HMCN2: variants seen among roughly 807,000 people sequenced by gnomAD.
The protein encoded by HMCN2 is hemicentin-2.
In HMCN2, 325 loss-of-function variants were observed where a neutral mutation model predicts 377.5. That is an observed-to-expected ratio of 0.86 (90% CI 0.79 to 0.94). HMCN2 has a LOEUF of 0.94. Ranked by LOEUF, HMCN2 falls within the 40% of genes least tolerant of loss-of-function variation. The pLI is 0.00. For synonymous variants in HMCN2, 2,007 were observed against 2,046.8 expected (o/e 0.98, Z 0.53); for missense variants, 4,543 against 4,725.3 (o/e 0.96, Z 1.13).
chr9:130,350,384 AATAC>A (rs1564804631), intron 29 of HMCN2, among the ~76,000 whole-genome samples: 1 of 137,990 alleles, frequency 7.2e-6, no homozygotes, highest in Non-Finnish European at 1.6e-5. Flanking sequence ...AATACAAAAA[AATAC>A]AAAAAAAAAA....
chr9:130,289,054 C>T (rs899768261), intron 4 of HMCN2, among the ~76,000 whole-genome samples: 1 of 152,214 alleles, frequency 6.6e-6, no homozygotes, highest in African/African-American at 2.4e-5. Context: ...TCACTAGCCC[C>T]GACAGTGGTG....
At chr9:130,344,862 TGTG>T (rs1309318840) in intron 25 of HMCN2, among the ~76,000 whole-genome samples, 2 of 147,650 alleles carry the variant, frequency 1.4e-5, no homozygotes, top group Non-Finnish European at 3.0e-5. Flanking sequence ...GTATATATGT[TGTG>T]TGTGTGGTGT....
At chr9:130,296,926 C>A in intron 7 of HMCN2, 132 bp downstream of exon 7, 1 of 377,342 alleles carries the variant, frequency 2.7e-6, no homozygotes, top group South Asian at 1.9e-5. Flanking sequence ...CTGCAGGAGG[C>A]CAAGTGGGAC....
At chr9:130,343,653 A>AC (rs1447847794) in intron 25 of HMCN2, among the ~76,000 whole-genome samples, 1 of 152,066 alleles carries the variant, frequency 6.6e-6, no homozygotes, top group Non-Finnish European at 1.5e-5. Context: ...GGTGGGACCC[A>AC]CCCAGCCCCT....
intron 90 of HMCN2, among the ~76,000 whole-genome samples, chr9:130,426,311 G>A (rs1844363012): frequency 6.6e-6 from 1 of 152,172 alleles, no homozygotes; most frequent in African/African-American, 2.4e-5. Context: ...GAGACCCCCA[G>A]GAACATGCTT....
At chr9:130,330,241 C>A (rs1283802836) in intron 22 of HMCN2, among the ~76,000 whole-genome samples, 3 of 152,204 alleles carry the variant, frequency 2.0e-5, no homozygotes, top group Non-Finnish European at 2.9e-5. Flanking sequence ...GCTCCTCTTC[C>A]CTGCTGAGCT....
intron 1 of HMCN2, among the ~76,000 whole-genome samples, chr9:130,267,412 A>G (rs1209616879): frequency 3.8e-5 from 5 of 132,872 alleles, no homozygotes; most frequent in Non-Finnish European, 6.5e-5. Flanking sequence ...ACAAACAAAC[A>G]AACAAACAAC....
Position 130,324,961 on chromosome 9 carries a change from T to G in HMCN2, c.2921-634T>G, listed in dbSNP as rs908038945. On this transcript the variant is annotated intron_variant, in intron 19 of 97. Transcript: ENST00000683500. ...ATTTTGTGGGTTTGGACAAATGCAG[T>G]GACCCATCACTGCAATATCACCTGG... Among the ~76,000 whole-genome samples the G allele has an allele frequency of 1.2e-3, 177 of 146,644 alleles. 3 individuals carry two copies. In the Middle Eastern group the frequency reaches 0.024, roughly 20 times the overall value.
chr9:130,323,555 A>G (rs1837962907), intron 19 of HMCN2, among the ~76,000 whole-genome samples: 1 of 152,368 alleles, frequency 6.6e-6, no homozygotes, highest in East Asian at 1.9e-4. Context: ...TGGCTTATCC[A>G]GAGCCCCAGA....
At chr9:130,417,565 T>G in intron 85 of HMCN2, among the ~76,000 whole-genome samples, 1 of 138,216 alleles carries the variant, frequency 7.2e-6, no homozygotes. Flanking sequence ...GACAGAGAGC[T>G]GGGGTGGTGT....
chr9:130,364,804 C>A lies in HMCN2; in HGVS notation c.6323C>A (p.Pro2108His). The stretch of plus-strand genomic sequence containing the variant: ...GAGTGCCAGAGCCACGCCATGCCCC[C>A]TCCTGTGCTGAGCTGGTGGAAGGAC... ...ALECQSHAMP[P>H]PVLSWWKDGR... The change falls in exon 41 of 98, where the codon CCT becomes CAT. Residue 2108 changes from proline (P) to histidine (H), a missense_variant. Pro to His is a moderately conservative substitution (Grantham distance 77, BLOSUM62 -2). Coordinates refer to ENST00000683500, the MANE Select transcript of HMCN2 (RefSeq NM_001291815.2). 6 of 986,052 alleles carry A rather than the reference C, an allele frequency of 6.1e-6. No individual in the cohort carries two copies. The highest frequency in any genetic ancestry group is 7.2e-6 in the Non-Finnish European group (6 of 830,048). The allele number at this position is 986,052 out of a possible 1,614,324, so 61.1% of individuals were successfully genotyped here.
rs146082211 is a variant in HMCN2 at position 130,407,682 on chromosome 9, C to T, written c.12665C>T (p.Ala4222Val). 2,525 of 1,254,234 alleles carry T rather than the reference C, an allele frequency of 2.0e-3. 5 individuals carry two copies. Among genetic ancestry groups the T allele is most frequent in the Non-Finnish European group, 2.5e-3 (2,374 of 966,510 alleles). 77.7% of individuals were successfully genotyped at this position (1,254,234 alleles called of 1,614,324 possible). Residue 4222 changes from alanine to valine, a missense_variant, in exon 83 of 98, where the codon GCG becomes GTG. Physicochemically the swap from Ala to Val is moderately conservative, Grantham distance 64. Transcript: ENST00000683500. The stretch of plus-strand genomic sequence containing the variant: ...GAGAACAGAGTGGGCCGCACGCAGG[C>T]GGTCAGCTTCGTCCACGTGAAGGGT... ...WAENRVGRTQ[A>V]VSFVHVKEAP...
chr9:130,426,505 C>T (rs771946973), intron 90 of HMCN2, among the ~76,000 whole-genome samples: 3 of 152,354 alleles, frequency 2.0e-5, no homozygotes, highest in Admixed American at 2.0e-4. Flanking sequence ...CTGGTCCTCT[C>T]GGAGCTTCAG....
intron 96 of HMCN2, 46 bp downstream of exon 96, chr9:130,431,532 C>T (rs1844760597): frequency 6.5e-7 from 1 of 1,536,078 alleles, no homozygotes; most frequent in Non-Finnish European, 8.8e-7. Flanking sequence ...GGGGCTAGGG[C>T]AGGCAGCGTG....
intron 96 of HMCN2, among the ~76,000 whole-genome samples, chr9:130,432,219 C>T (rs561521810): frequency 5.3e-5 from 8 of 152,208 alleles, no homozygotes; most frequent in South Asian, 2.1e-4. Flanking sequence ...CCCACCTACA[C>T]GCCCTGGAAA....
At chr9:130,431,590 C>A (rs1844763574) in intron 96 of HMCN2, 104 bp downstream of exon 96, 18 of 1,444,842 alleles carry the variant, frequency 1.2e-5, no homozygotes, top group Non-Finnish European at 1.5e-5. Flanking sequence ...CCAGCCCCTT[C>A]ACAACTATCC....
chr9:130,353,904 C>T (rs1002608934), intron 31 of HMCN2, among the ~76,000 whole-genome samples: 1 of 152,108 alleles, frequency 6.6e-6, no homozygotes, highest in Admixed American at 6.5e-5. Flanking sequence ...GTCAGCCTGG[C>T]CCCCCGTGGG....
chr9:130,319,146 G>A (rs1462619198), intron 15 of HMCN2, among the ~76,000 whole-genome samples: 6 of 152,262 alleles, frequency 3.9e-5, no homozygotes, highest in South Asian at 2.1e-4. Context: ...CTATGTCAGC[G>A]GGTCACAATC....
chr9:130,307,356 G>A (rs868977920), intron 13 of HMCN2, 97 bp from the exon 14 acceptor site: 5 of 458,494 alleles, frequency 1.1e-5, no homozygotes, highest in African/African-American at 8.0e-5. Flanking sequence ...CCGGTGTGGT[G>A]AGTTGGGATG....
Sources: allele counts gnomAD v4.1 joint callset (sites outside exome capture counted in the v4.1 genomes callset), GRCh38; gene constraint gnomAD v4.1.1; transcripts MANE v1.5; gene names NCBI Gene and HGNC (gene_info 2026-07-23, HGNC 2026-07-21).